The following ELP4 variants were observed in gnomAD, a reference collection of about 807,000 sequenced individuals.
The protein encoded by ELP4 is elongator acetyltransferase complex subunit 4.
In ELP4, 51 loss-of-function variants were observed where a neutral mutation model predicts 48.9. The ratio of observed to expected loss-of-function variants is 1.04; its 90% CI spans 0.83 to 1.32. The LOEUF (loss-of-function observed/expected upper bound fraction) is 1.32, where lower values mean the gene tolerates loss of function less well. Among genes scored for constraint, ELP4 ranks in the 40% most tolerant of loss-of-function variants. The pLI, the probability that ELP4 is intolerant of heterozygous loss-of-function variation, is 0.00. For missense variants in ELP4, 519 were observed against 514.6 expected, an observed-to-expected ratio of 1.01 and a Z score of -0.08; for synonymous variants, 210 against 189.2, an observed-to-expected ratio of 1.11 and a Z score of -0.90.
intron 6 of ELP4, among the ~76,000 whole-genome samples, chr11:31,631,294 C>A (rs901676762): frequency 1.3e-5 from 2 of 152,078 alleles, no homozygotes; most frequent in South Asian, 2.1e-4. Flanking sequence ...GAATTTGTTT[C>A]ATCAGAAATC....
intron 5 of ELP4, among the ~76,000 whole-genome samples, chr11:31,621,779 A>C (rs1205441904): frequency 6.6e-6 from 1 of 151,874 alleles, no homozygotes; most frequent in Non-Finnish European, 1.5e-5. Context: ...TCATTTGGCT[A>C]TGTTGAATGG....
At chr11:31,633,619 C>A (rs953059863) in intron 7 of ELP4, 5 of 151,964 alleles carry the variant, frequency 3.3e-5, no homozygotes, top group African/African-American at 1.2e-4. Context: ...TCATGCTAGA[C>A]ATTGTATACA....
chr11:31,693,152 G>T (rs987187969), intron 9 of ELP4, among the ~76,000 whole-genome samples: 7 of 151,310 alleles, frequency 4.6e-5, no homozygotes, highest in East Asian at 1.9e-4. Context: ...TCTTAAACTC[G>T]TTTTTTTATT....
intron 5 of ELP4, among the ~76,000 whole-genome samples, chr11:31,617,100 G>A (rs1944502322): frequency 6.6e-6 from 1 of 152,050 alleles, no homozygotes; most frequent in South Asian, 2.1e-4. Context: ...GATTTGAAGA[G>A]ATATTTGGAC....
Position 31,783,730 on chromosome 11 carries a change from A to T in ELP4, c.*206A>T, listed in dbSNP as rs1948430865. The T allele has an allele frequency of 4.5e-6, 2 of 447,740 alleles. No homozygotes were observed. Among genetic ancestry groups the T allele is most frequent in the Non-Finnish European group, 7.8e-6 (2 of 255,580 alleles). 27.7% of individuals were successfully genotyped at this position (447,740 alleles called of 1,614,324 possible). A position where few individuals can be genotyped will look rare whatever the true frequency, so the allele number is the denominator to read the frequency against. ...CTTTTAAATTTTTCCTTCATGCTCT[A>T]GAGAAAATAATTTTATTTTTAAATA... On this transcript the variant is annotated 3_prime_UTR_variant, in exon 10 of 10. Coordinates refer to ENST00000640961, the MANE Select transcript of ELP4 (RefSeq NM_019040.5).
chr11:31,694,341 A>G (rs1339313892), intron 9 of ELP4, among the ~76,000 whole-genome samples: 1 of 152,156 alleles, frequency 6.6e-6, no homozygotes, highest in Non-Finnish European at 1.5e-5. Flanking sequence ...ATTTTTGTAT[A>G]AGGTGTAAGG....
At chr11:31,522,398 A>G (rs16922207) in intron 2 of ELP4, among the ~76,000 whole-genome samples, 4,031 of 152,272 alleles carry the variant, frequency 0.026, 166 homozygotes, top group African/African-American at 0.091. Context: ...AGTAATATAC[A>G]TGGGAACATT....
intron 9 of ELP4, among the ~76,000 whole-genome samples, chr11:31,758,423 A>G (rs964881254): frequency 9.2e-5 from 14 of 152,354 alleles, no homozygotes; most frequent in African/African-American, 3.4e-4. Context: ...AGATAGACTT[A>G]TAGGAACTTG....
intron 9 of ELP4, among the ~76,000 whole-genome samples, chr11:31,685,675 G>C (rs1946145024): frequency 6.6e-6 from 1 of 152,140 alleles, no homozygotes; most frequent in Non-Finnish European, 1.5e-5. Flanking sequence ...GCTCATGCCT[G>C]TAATCCCAGC....
In ELP4 at chr11:31,685,140, C is replaced by T. The variant is rs187121126; in HGVS notation, c.1143+34919C>T. Among the ~76,000 whole-genome samples, 159 of 151,992 alleles carry T rather than the reference C, an allele frequency of 1.0e-3. 1 individual carries two copies. Among genetic ancestry groups the T allele is most frequent in the Admixed American group, 3.7e-3 (56 of 15,280 alleles). ...GGCCAAGGCGGGTGGATCATGAGGT[C>T]AGGAGATCAAGACCATCCTGGCCAA... is the stretch of plus-strand genomic sequence containing the variant. On this transcript the variant is annotated intron_variant, in intron 9 of 9. Transcript: ENST00000640961.
chr11:31,737,446 T>C (rs2134212487), intron 9 of ELP4, among the ~76,000 whole-genome samples: 2 of 151,992 alleles, frequency 1.3e-5, no homozygotes, highest in South Asian at 4.2e-4. Flanking sequence ...TGTGCACATG[T>C]ACCCTAAAAC....
rs373052939 is a variant in ELP4 at position 31,603,924 on chromosome 11, T to C, written c.653+17T>C. 7.3e-5 allele frequency: 116 copies of C among 1,597,584 alleles called. No homozygotes were observed. The highest frequency in any genetic ancestry group is 9.8e-5 in the Non-Finnish European group (115 of 1,171,126). ...AGAACCCTGGTAAGTTAATGACCCATTTAATAACAAAATCTGATTTCAAAT... is the reference window on the plus strand; with the variant it reads ...AGAACCCTGGTAAGTTAATGACCCACTTAATAACAAAATCTGATTTCAAAT... On this transcript the variant is annotated intron_variant, in intron 5 of 9. Transcript: ENST00000640961.
intron 5 of ELP4, among the ~76,000 whole-genome samples, chr11:31,612,757 T>C (rs1958005321): frequency 6.6e-6 from 1 of 152,154 alleles, no homozygotes; most frequent in Non-Finnish European, 1.5e-5. Context: ...GTAAGCCAGG[T>C]GCAGAGTCTT....
At chr11:31,514,018 A>C (rs1238708248) in intron 1 of ELP4, among the ~76,000 whole-genome samples, 1 of 152,142 alleles carries the variant, frequency 6.6e-6, no homozygotes, top group East Asian at 1.9e-4. Context: ...CCCAGCCAAT[A>C]ATTGTGTCAT....
At chr11:31,743,567 A>C (rs1312090321) in intron 9 of ELP4, among the ~76,000 whole-genome samples, 33 of 152,166 alleles carry the variant, frequency 2.2e-4, no homozygotes, top group Admixed American at 3.9e-4. Flanking sequence ...ACAGTGCAAT[A>C]AAACTAGAAC....
intron 7 of ELP4, among the ~76,000 whole-genome samples, chr11:31,641,372 A>AC (rs1945091281): frequency 6.6e-6 from 1 of 151,944 alleles, no homozygotes; most frequent in Non-Finnish European, 1.5e-5. Context: ...GTATATATCA[A>AC]CAAACATAAT....
intron 9 of ELP4, among the ~76,000 whole-genome samples, chr11:31,694,954 CTCTG>C (rs1203816006): frequency 1.3e-5 from 2 of 151,680 alleles, no homozygotes; most frequent in South Asian, 2.1e-4. Context: ...TGATTTGGCT[CTCTG>C]TCTGTTATTG....
intron 9 of ELP4, among the ~76,000 whole-genome samples, chr11:31,746,323 A>C (rs1947589505): frequency 6.6e-6 from 1 of 152,206 alleles, no homozygotes; most frequent in African/African-American, 2.4e-5. Context: ...TGTGGAAGTC[A>C]GTGTGGTGAT....
chr11:31,539,838 G>T (rs1019492632), intron 3 of ELP4, 55 bp downstream of exon 3: 4 of 1,447,516 alleles, frequency 2.8e-6, no homozygotes, highest in African/African-American at 2.8e-5. Flanking sequence ...AAAAAATATT[G>T]TTTATATATG....
Sources: allele counts gnomAD v4.1 joint callset (sites outside exome capture counted in the v4.1 genomes callset), GRCh38; gene constraint gnomAD v4.1.1; transcripts MANE v1.5; gene names NCBI Gene and HGNC (gene_info 2026-07-23, HGNC 2026-07-21).